CD200R1L: variants seen among roughly 807,000 people sequenced by gnomAD.
CD200R1L encodes CD200 receptor 1 like.
In CD200R1L, 14 loss-of-function variants were observed where a neutral mutation model predicts 24.8. The observed-to-expected ratio is 0.56, with a 90% CI of 0.37 to 0.88. The LOEUF (loss-of-function observed/expected upper bound fraction) is 0.88. Among genes scored for constraint, CD200R1L ranks in the 40% least tolerant of loss-of-function variants. The pLI is 0.00. For synonymous variants in CD200R1L, 111 were observed against 109.2 expected, an observed-to-expected ratio of 1.02 and a Z score of -0.11; for missense variants, 299 against 297.8, an observed-to-expected ratio of 1.00 and a Z score of -0.03.
rs1451273686 is a variant in CD200R1L at position 112,827,654 on chromosome 3, A to C, written c.80T>G (p.Ile27Arg). ...AGGAGGGCAACAAAGCACAGCATTT[A>C]TATCCATCAGTACAGGCTGTGAAAT... ...GNISQPVLMDINAVLCCPPIA... is the reference protein window; with the variant it reads ...GNISQPVLMDRNAVLCCPPIA... The change falls in exon 5 of 8, where the codon ATA becomes AGA. Residue 27 changes from isoleucine (I) to arginine (R), a missense_variant. Coordinates refer to ENST00000488794, the MANE Select transcript of CD200R1L (RefSeq NM_001199215.3). The C allele has an allele frequency of 6.2e-7, 1 of 1,613,928 alleles. No individual in the cohort carries two copies. Among genetic ancestry groups the C allele is most frequent in the Non-Finnish European group, 8.5e-7 (1 of 1,179,850 alleles).
At chr3:112,826,207 TATA>T (rs1302431241) in intron 6 of CD200R1L, among the ~76,000 whole-genome samples, 3 of 152,098 alleles carry the variant, frequency 2.0e-5, no homozygotes, top group Non-Finnish European at 4.4e-5. Flanking sequence ...ATACGATATA[TATA>T]ATAACCAACA....
At chr3:112,824,463 A>G (rs1938611666) in intron 6 of CD200R1L, among the ~76,000 whole-genome samples, 1 of 152,206 alleles carries the variant, frequency 6.6e-6, no homozygotes. Flanking sequence ...ATCTGAGCAG[A>G]ACTATAGACT....
rs569915369 is a variant in CD200R1L at position 112,829,570 on chromosome 3, C to T, written c.-17-186G>A. Reference sequence around the variant, plus strand: ...ATTAGAGGAAAAAACATGTTAACATCTTGAAAATTATACTTATAAGCAATT... The same window carrying T: ...ATTAGAGGAAAAAACATGTTAACATTTTGAAAATTATACTTATAAGCAATT... On this transcript the variant is annotated intron_variant, in intron 3 of 7. Coordinates refer to ENST00000488794, the MANE Select transcript of CD200R1L (RefSeq NM_001199215.3). 4.9e-5 allele frequency: 44 copies of T among 903,624 alleles called. No homozygotes were observed. In the East Asian group the frequency reaches 4.7e-3, roughly 97 times the overall value. 56.0% of individuals were successfully genotyped at this position (903,624 alleles called of 1,614,324 possible).
chr3:112,838,489 CA>C lies in CD200R1L; in HGVS notation c.-86-480del, dbSNP rs369499771. On this transcript the variant is annotated intron_variant, in intron 2 of 7. Coordinates refer to ENST00000488794, the MANE Select transcript of CD200R1L (RefSeq NM_001199215.3). ...TTTGCAAAAAAAACAAACAAACAAA[CA>C]AAAAAAAACGGTAAGGGAAACCTCT... Among the ~76,000 whole-genome samples, 978 of 137,062 alleles carry C rather than the reference CA, an allele frequency of 7.1e-3. 14 individuals are homozygous for C. Among genetic ancestry groups the C allele is most frequent in the African/African-American group, 0.025 (920 of 36,358 alleles). The allele number at this position is 137,062 out of a possible 152,430, so 89.9% of individuals were successfully genotyped here.
At chr3:112,843,280 C>T (rs760364326) in intron 2 of CD200R1L, among the ~76,000 whole-genome samples, 4 of 151,968 alleles carry the variant, frequency 2.6e-5, no homozygotes, top group African/African-American at 4.8e-5. Flanking sequence ...TTTCCAAGGT[C>T]GATGTGAAAT....
chr3:112,829,666 CT>C (rs1277926204), intron 3 of CD200R1L: 2 of 399,950 alleles, frequency 5.0e-6, no homozygotes, highest in Admixed American at 6.4e-5. Context: ...ATGCCTCCCC[CT>C]ATTCCTCCTT....
Position 112,829,381 on chromosome 3 carries a change from G to C in CD200R1L, c.-14C>G. On this transcript the variant is annotated 5_prime_UTR_variant, in exon 4 of 8. Coordinates refer to ENST00000488794, the MANE Select transcript of CD200R1L (RefSeq NM_001199215.3). Reference sequence around the variant, plus strand: ...CTTTCCACCCATGCATGAACTACTTGAAGCTAGAAAACATTTAGAGAAGAA... The same window carrying C: ...CTTTCCACCCATGCATGAACTACTTCAAGCTAGAAAACATTTAGAGAAGAA... 6.2e-7 allele frequency: 1 copy of C among 1,613,582 alleles called. No individual in the cohort carries two copies. The highest frequency in any genetic ancestry group is 8.5e-7 in the Non-Finnish European group (1 of 1,179,542).
chr3:112,816,165 C>T (rs1352594607), intron 7 of CD200R1L, among the ~76,000 whole-genome samples, 190 bp from the exon 8 acceptor site: 1 of 152,186 alleles, frequency 6.6e-6, no homozygotes, highest in African/African-American at 2.4e-5. Context: ...TAACAAACAA[C>T]CATAAAACCT....
In CD200R1L at chr3:112,819,779, GA is replaced by G. The variant is rs1938488128; in HGVS notation, c.732del (p.His245MetfsTer40). On this transcript the variant is annotated frameshift_variant, in exon 7 of 8. Coordinates refer to ENST00000488794, the MANE Select transcript of CD200R1L (RefSeq NM_001199215.3). LOFTEE classifies it low-confidence loss of function (END_TRUNC). ...TTGFVFFQRI[N>X]HVRKVL ...TCAGTCTTCAGTTCCTACCTGACATGATTTATCCTCTGGAAGAAAACAAATC... is the reference window on the plus strand; with the variant it reads ...TCAGTCTTCAGTTCCTACCTGACATGTTTATCCTCTGGAAGAAAACAAATC... The G allele has an allele frequency of 6.2e-7, 1 of 1,603,470 alleles. No individual in the cohort carries two copies. The highest frequency in any genetic ancestry group is 2.2e-5 in the East Asian group (1 of 44,518).
intron 3 of CD200R1L, among the ~76,000 whole-genome samples, chr3:112,830,809 T>C (rs1275496295): frequency 1.3e-5 from 2 of 151,866 alleles, no homozygotes; most frequent in Non-Finnish European, 2.9e-5. Flanking sequence ...AAAAAAGTGG[T>C]TGGAGAGGAG....
At chr3:112,818,594 C>T (rs928195715) in intron 7 of CD200R1L, among the ~76,000 whole-genome samples, 1 of 152,242 alleles carries the variant, frequency 6.6e-6, no homozygotes, top group Admixed American at 6.5e-5. Flanking sequence ...TCCAGTGGCT[C>T]CTGCCATTGC....
chr3:112,835,823 G>A (rs567609698), intron 3 of CD200R1L, among the ~76,000 whole-genome samples: 1 of 152,364 alleles, frequency 6.6e-6, no homozygotes, highest in Non-Finnish European at 1.5e-5. Context: ...GCTCCCAAGA[G>A]CACAGGGGTG....
chr3:112,829,990 G>T (rs1938757080), intron 3 of CD200R1L, among the ~76,000 whole-genome samples: 1 of 152,156 alleles, frequency 6.6e-6, no homozygotes, highest in Non-Finnish European at 1.5e-5. Context: ...CAATATTCTT[G>T]GTTGGTGACA....
chr3:112,827,297 A>G, intron 5 of CD200R1L, 56 bp from the exon 6 acceptor site: 3 of 1,589,036 alleles, frequency 1.9e-6, no homozygotes, highest in Non-Finnish European at 2.6e-6. Context: ...AGCATATGGA[A>G]TTCAGAGAGA....
At chr3:112,840,339 C>G (rs1393355782) in intron 2 of CD200R1L, among the ~76,000 whole-genome samples, 1 of 152,198 alleles carries the variant, frequency 6.6e-6, no homozygotes, top group Non-Finnish European at 1.5e-5. Flanking sequence ...GGAGCTTTTA[C>G]TCATGGCAGA....
At chr3:112,819,633 A>C in intron 7 of CD200R1L, 139 bp downstream of exon 7, 1 of 822,920 alleles carries the variant, frequency 1.2e-6, no homozygotes, top group East Asian at 3.4e-5. Context: ...ATGCCTTCAC[A>C]TTAAAGAAGG....
intron 6 of CD200R1L, among the ~76,000 whole-genome samples, chr3:112,820,506 C>T (rs1938509081): frequency 6.6e-6 from 1 of 152,084 alleles, no homozygotes; most frequent in South Asian, 2.1e-4. Flanking sequence ...TCTCGGCTGA[C>T]TGCAACCTCC....
chr3:112,830,935 G>A (rs1409158213), intron 3 of CD200R1L, among the ~76,000 whole-genome samples: 1 of 152,050 alleles, frequency 6.6e-6, no homozygotes, highest in Non-Finnish European at 1.5e-5. Flanking sequence ...CCAGCATTTG[G>A]AGAAAGGAGT....
chr3:112,844,440 A>C (rs958756115), intron 2 of CD200R1L, among the ~76,000 whole-genome samples: 3 of 152,230 alleles, frequency 2.0e-5, no homozygotes, highest in Non-Finnish European at 4.4e-5. Flanking sequence ...CTTGATCCTC[A>C]ATAAGTTTTG....
Sources: gnomAD v4.1 joint callset for allele counts (sites outside exome capture counted in the v4.1 genomes callset) on GRCh38, gnomAD v4.1.1 for gene constraint, MANE v1.5 for transcripts, NCBI Gene and HGNC (gene_info 2026-07-23, HGNC 2026-07-21) for gene names.